IFT80: variants seen among roughly 807,000 people sequenced by gnomAD.
IFT80 encodes intraflagellar transport 80.
In IFT80, 79 loss-of-function variants were observed where a neutral mutation model predicts 107.9. The observed-to-expected ratio is 0.73, with a 90% confidence interval of 0.61 to 0.88. The LOEUF (loss-of-function observed/expected upper bound fraction) is 0.88. Among genes scored for constraint, IFT80 ranks in the 40% least tolerant of loss-of-function variants. IFT80 has a pLI of 0.00. For missense variants in IFT80, 797 were observed against 914.2 expected, an observed-to-expected ratio of 0.87 and a Z score of 1.65; for synonymous variants, 299 against 300.9, an observed-to-expected ratio of 0.99 and a Z score of 0.07.
intron 8 of IFT80, among the ~76,000 whole-genome samples, chr3:160,352,150 C>T (rs567247002): frequency 6.6e-6 from 1 of 152,080 alleles, no homozygotes; most frequent in African/African-American, 2.4e-5. Flanking sequence ...GCCACCACGC[C>T]CGGCTAATTT....
chr3:160,306,726 G>A lies in IFT80; in HGVS notation c.1076+937C>T, dbSNP rs78903237. On this transcript the variant is annotated intron_variant, in intron 10 of 19. Coordinates refer to ENST00000326448, the MANE Select transcript of IFT80 (RefSeq NM_020800.3). ...GTAGCAGGTTTACACATAATGAATG[G>A]GAATTTTTAAATATATAGTTGTAGC... 7.0e-3 allele frequency among the ~76,000 whole-genome samples: 1,061 copies of A among 152,204 alleles called. 11 individuals are homozygous for A. The highest frequency in any genetic ancestry group is 0.024 in the African/African-American group (992 of 41,536).
chr3:160,314,334 G>A (rs753925770), intron 9 of IFT80, among the ~76,000 whole-genome samples: 9 of 152,092 alleles, frequency 5.9e-5, no homozygotes, highest in Admixed American at 2.0e-4. Context: ...CTTTGTACCT[G>A]CACGCTTTCC....
intron 8 of IFT80, among the ~76,000 whole-genome samples, chr3:160,321,413 T>C (rs1459223672): frequency 6.6e-6 from 1 of 151,992 alleles, no homozygotes; most frequent in African/African-American, 2.4e-5. Flanking sequence ...AAATCTAGTC[T>C]ATCCTCATGG....
At chr3:160,375,048 T>A (rs1239207126) in intron 5 of IFT80, among the ~76,000 whole-genome samples, 1 of 152,182 alleles carries the variant, frequency 6.6e-6, no homozygotes, top group African/African-American at 2.4e-5. Context: ...AATTTGGAAA[T>A]TTTTGGAAGT....
At chr3:160,390,849 C>T (rs1201199869) in intron 1 of IFT80, among the ~76,000 whole-genome samples, 3 of 152,114 alleles carry the variant, frequency 2.0e-5, no homozygotes, top group Non-Finnish European at 4.4e-5. Flanking sequence ...AGGTAAGAGG[C>T]AGGACTCAAC....
rs1716217026 is a variant in IFT80 at position 160,299,152 on chromosome 3, T to C, written c.1315+1731A>G. Reference sequence around the variant, plus strand: ...CCAAATTACTATTATTTTCACAATTTATAGTTATCTTAATTCTGTCTGCCA... The same window carrying C: ...CCAAATTACTATTATTTTCACAATTCATAGTTATCTTAATTCTGTCTGCCA... On this transcript the variant is annotated intron_variant, in intron 12 of 19. Coordinates refer to ENST00000326448, the MANE Select transcript of IFT80 (RefSeq NM_020800.3). 4 of 979,296 alleles carry C rather than the reference T, an allele frequency of 4.1e-6. No individual in the cohort carries two copies. In the South Asian group the frequency reaches 1.4e-4, roughly 33 times the overall value. 60.7% of individuals were successfully genotyped at this position (979,296 alleles called of 1,614,324 possible). A position where few individuals can be genotyped will look rare whatever the true frequency, so the allele number is the denominator to read the frequency against.
intron 8 of IFT80, among the ~76,000 whole-genome samples, chr3:160,323,470 T>C (rs1718438409): frequency 6.6e-6 from 1 of 152,172 alleles, no homozygotes; most frequent in African/African-American, 2.4e-5. Context: ...TCAGGTAGCA[T>C]GATGCCTCCA....
intron 19 of IFT80, among the ~76,000 whole-genome samples, chr3:160,262,650 G>A (rs777447206): frequency 3.9e-5 from 6 of 152,114 alleles, no homozygotes; most frequent in Non-Finnish European, 8.8e-5. Flanking sequence ...TTGGTAGATT[G>A]CTCTGGAGTC....
At position 160,345,525 on chromosome 3, in the gene IFT80, T is replaced by C. The variant is rs535646954; in HGVS notation, c.777+10488A>G. Among the ~76,000 whole-genome samples the C allele has an allele frequency of 3.7e-3, 555 of 151,330 alleles. 3 individuals carry two copies. The highest frequency in any genetic ancestry group is 5.5e-3 in the Non-Finnish European group (370 of 67,784). On this transcript the variant is annotated intron_variant, in intron 8 of 19. Transcript: ENST00000326448. ...AACATGGGTGAAATCCAGTCTCTACTAAAAAAAACACAAAACTTAGTAGCC... is the reference window on the plus strand; with the variant it reads ...AACATGGGTGAAATCCAGTCTCTACCAAAAAAAACACAAAACTTAGTAGCC...
intron 7 of IFT80, among the ~76,000 whole-genome samples, chr3:160,356,816 T>C (rs913008484): frequency 6.6e-6 from 1 of 152,192 alleles, no homozygotes; most frequent in African/African-American, 2.4e-5. Context: ...CTACCATACC[T>C]AGCTTGCTTA....
chr3:160,367,611 A>G (rs1044132880), intron 5 of IFT80, among the ~76,000 whole-genome samples: 5 of 152,124 alleles, frequency 3.3e-5, no homozygotes, highest in African/African-American at 1.2e-4. Context: ...AAAAGCTCCA[A>G]TATCTTATAA....
At chr3:160,385,837 G>T (rs759501441) in intron 1 of IFT80, among the ~76,000 whole-genome samples, 5 of 152,096 alleles carry the variant, frequency 3.3e-5, no homozygotes, top group African/African-American at 7.2e-5. Flanking sequence ...AACATTTTAC[G>T]AAATGCTGCT....
chr3:160,309,378 T>G (rs1168138406), intron 9 of IFT80, among the ~76,000 whole-genome samples: 1 of 152,094 alleles, frequency 6.6e-6, no homozygotes, highest in Non-Finnish European at 1.5e-5. Flanking sequence ...GATCTATAGA[T>G]GTCCATGAGA....
intron 8 of IFT80, among the ~76,000 whole-genome samples, chr3:160,331,869 C>T (rs990720163): frequency 6.6e-6 from 1 of 152,096 alleles, no homozygotes; most frequent in African/African-American, 2.4e-5. Context: ...GTTGCCCAGG[C>T]TGCTCTTGAA....
intron 8 of IFT80, among the ~76,000 whole-genome samples, chr3:160,323,389 G>A (rs1718429240): frequency 6.6e-6 from 1 of 151,546 alleles, no homozygotes; most frequent in Non-Finnish European, 1.5e-5. Flanking sequence ...CTGTTCCATT[G>A]ATCTAAATCT....
rs201223006 is a variant in IFT80 at position 160,356,122 on chromosome 3, T to A, written c.668A>T (p.Tyr223Phe). Residue 223 changes from tyrosine (Y) to phenylalanine (F), a missense_variant, in exon 8 of 20, where the codon TAC becomes TTC. Transcript: ENST00000326448. ...KVWDSYGRPL[Y>F]NSQPHEHPIT... is the part of the protein sequence containing the mutation. ...GGGATGCTCATGAGGTTGTGAATTG[T>A]ACAGTGGGCGGCCGTAACTATCCCA... 13 of 1,614,164 alleles carry A rather than the reference T, an allele frequency of 8.1e-6. No individual in the cohort carries two copies. The African/African-American group carries it at 1.7e-4, about 22-fold the overall frequency.
rs1409926050 is a variant in IFT80 at position 160,312,613 on chromosome 3, A to G, written c.958-4832T>C. Among the ~76,000 whole-genome samples the G allele has an allele frequency of 6.2e-5, 4 of 64,906 alleles. No homozygotes were observed. The East Asian group carries it at 1.3e-3, about 21-fold the overall frequency. The allele number at this position is 64,906 out of a possible 152,430, so 42.6% of individuals were successfully genotyped here. Reference sequence around the variant, plus strand: ...ATATAATAAATATATATTATATATAAATATATAATATATATATATAATAAA... The same window carrying G: ...ATATAATAAATATATATTATATATAGATATATAATATATATATATAATAAA... On this transcript the variant is annotated intron_variant, in intron 9 of 19. Coordinates refer to ENST00000326448, the MANE Select transcript of IFT80 (RefSeq NM_020800.3).
At chr3:160,289,406 C>G (rs984655666) in intron 12 of IFT80, among the ~76,000 whole-genome samples, 6 of 152,142 alleles carry the variant, frequency 3.9e-5, no homozygotes, top group African/African-American at 1.4e-4. Context: ...CCCTATGACA[C>G]AAGTTTACCT....
rs754135466 is a variant in IFT80 at position 160,337,349 on chromosome 3, G to A, written c.778-17410C>T. Reference sequence around the variant, plus strand: ...TATATTTAAAGGTAAGAATGAGCCAGGCGTGGTGGTTCACGCCTCTAATCC... The same window carrying A: ...TATATTTAAAGGTAAGAATGAGCCAAGCGTGGTGGTTCACGCCTCTAATCC... On this transcript the variant is annotated intron_variant, in intron 8 of 19. Transcript: ENST00000326448. Among the ~76,000 whole-genome samples the A allele has an allele frequency of 2.6e-4, 40 of 152,178 alleles. 1 individual carries two copies. Among genetic ancestry groups the A allele is most frequent in the Admixed American group, 1.2e-3 (19 of 15,274 alleles).
Sources: allele counts gnomAD v4.1 joint callset (sites outside exome capture counted in the v4.1 genomes callset), GRCh38; gene constraint gnomAD v4.1.1; transcripts MANE v1.5; gene names NCBI Gene and HGNC (gene_info 2026-07-23, HGNC 2026-07-21).